Variants in CHN2 observed in about 807,000 individuals in gnomAD.
CHN2 encodes beta-chimaerin.
CHN2 carries 35 observed loss-of-function variants against 56.3 expected under a neutral mutation model. That is an observed-to-expected ratio of 0.62 (90% confidence interval 0.47 to 0.82). The LOEUF (loss-of-function observed/expected upper bound fraction) is 0.82. Among genes scored for constraint, CHN2 ranks in the 40% least tolerant of loss-of-function variants. The pLI, the probability that CHN2 is intolerant of heterozygous loss-of-function variation, is 0.00. For synonymous variants in CHN2, 210 were observed against 212.8 expected (o/e 0.99, Z 0.12); for missense variants, 491 against 580.5 (o/e 0.85, Z 1.58).
chr7:29,286,861 G>A (rs565546663), intron 1 of CHN2, among the ~76,000 whole-genome samples: 1 of 152,028 alleles, frequency 6.6e-6, no homozygotes, highest in Non-Finnish European at 1.5e-5. Flanking sequence ...TTATATAAAC[G>A]TGAAAGTTGC....
intron 6 of CHN2, 55 bp from the exon 7 acceptor site, chr7:29,480,224 G>A (rs777546165): frequency 1.2e-6 from 2 of 1,614,112 alleles, no homozygotes; most frequent in Admixed American, 1.7e-5. Context: ...GGGTGAAGGT[G>A]GGTGTCAAAG....
In CHN2 at chr7:29,305,457, GT is replaced by G. The variant is rs957618879; in HGVS notation, c.50-49157del. On this transcript the variant is annotated intron_variant, in intron 1 of 12. Coordinates refer to ENST00000222792, the MANE Select transcript of CHN2 (RefSeq NM_004067.4). ...ATAGTCTCTTCTATGATAAAGATCA[GT>G]TTTTTTTTTTAGTTTTGATACTTAT... Among the ~76,000 whole-genome samples the G allele has an allele frequency of 9.2e-4, 133 of 144,230 alleles. No individual in the cohort carries two copies. The Middle Eastern group carries it at 0.014, about 15-fold the overall frequency. 94.6% of individuals were successfully genotyped at this position (144,230 alleles called of 152,430 possible).
chr7:29,495,216 G>C (rs113610119), intron 7 of CHN2, among the ~76,000 whole-genome samples: 1 of 152,046 alleles, frequency 6.6e-6, no homozygotes, highest in Non-Finnish European at 1.5e-5. Context: ...TTTAATACAG[G>C]AGGACCTATG....
chr7:29,399,621 C>T (rs917724999), intron 5 of CHN2, among the ~76,000 whole-genome samples: 3 of 152,124 alleles, frequency 2.0e-5, no homozygotes, highest in African/African-American at 7.2e-5. Context: ...GTGAACTCTT[C>T]GGAATTGGAA....
At position 29,371,957 on chromosome 7, in the gene CHN2, C is replaced by A. The variant is rs144097246; in HGVS notation, c.144+3970C>A. The stretch of plus-strand genomic sequence containing the variant: ...CTCCCACCTGATCTCCCTGCTTCCA[C>A]TCCTTGCAGCTTCCCTGCAGCTCAC... On this transcript the variant is annotated intron_variant, in intron 3 of 12. Transcript: ENST00000222792. Among the ~76,000 whole-genome samples, 73 of 152,256 alleles carry A rather than the reference C, an allele frequency of 4.8e-4. 2 individuals carry two copies. In the East Asian group the frequency reaches 0.013, roughly 28 times the overall value.
chr7:29,317,825 C>T (rs1489840912), intron 1 of CHN2, among the ~76,000 whole-genome samples: 1 of 152,086 alleles, frequency 6.6e-6, no homozygotes, highest in Non-Finnish European at 1.5e-5. Context: ...CCTGTCTCTA[C>T]AAAACATACA....
At chr7:29,299,832 C>A (rs1033088349) in intron 1 of CHN2, among the ~76,000 whole-genome samples, 11 of 152,158 alleles carry the variant, frequency 7.2e-5, no homozygotes, top group African/African-American at 2.7e-4. Context: ...AAGTAGACAA[C>A]TGTCCATGAG....
upstream of CHN2, chr7:29,194,699 C>G (rs1004618480): frequency 1.0e-5 from 4 of 401,662 alleles, no homozygotes; most frequent in Admixed American, 1.9e-4. Flanking sequence ...CCCCCTGACA[C>G]CCATAGAAAA....
chr7:29,251,683 G>A (rs1788533326), intron 1 of CHN2, among the ~76,000 whole-genome samples: 1 of 152,254 alleles, frequency 6.6e-6, no homozygotes, highest in African/African-American at 2.4e-5. Flanking sequence ...TTGATAAACA[G>A]AGATTTCACT....
intron 6 of CHN2, among the ~76,000 whole-genome samples, chr7:29,417,537 G>C (rs1201347085): frequency 6.6e-6 from 1 of 151,952 alleles, no homozygotes. Context: ...GGATTTCACC[G>C]TGTTAGCCAA....
chr7:29,391,114 G>T (rs1290673410), intron 3 of CHN2, among the ~76,000 whole-genome samples: 1 of 151,904 alleles, frequency 6.6e-6, no homozygotes, highest in East Asian at 1.9e-4. Context: ...TTTTCTTTAC[G>T]AGCTTCAGAG....
chr7:29,250,954 C>T lies in CHN2; in HGVS notation c.49+55964C>T, dbSNP rs368280935. Among the ~76,000 whole-genome samples the T allele has an allele frequency of 1.5e-4, 23 of 152,284 alleles. No homozygotes were observed. In the South Asian group the frequency reaches 3.5e-3, roughly 23 times the overall value. ...CGAACTCCTGACTTCAGGTGATCCA[C>T]CCGCCTCAGCCTCCCAAAGTGGTGG... On this transcript the variant is annotated intron_variant, in intron 1 of 12. Transcript: ENST00000222792.
intron 1 of CHN2, among the ~76,000 whole-genome samples, chr7:29,210,900 G>C (rs1784867828): frequency 6.6e-6 from 1 of 151,920 alleles, no homozygotes; most frequent in Non-Finnish European, 1.5e-5. Context: ...CAGAAACAAG[G>C]CCAGTAGAGT....
intron 2 of CHN2, among the ~76,000 whole-genome samples, chr7:29,364,277 G>T (rs1269844268): frequency 6.6e-6 from 1 of 152,154 alleles, no homozygotes; most frequent in Non-Finnish European, 1.5e-5. Context: ...TGCTGACTGT[G>T]GTATCTTGCA....
chr7:29,365,151 G>C (rs1799050108), intron 2 of CHN2, among the ~76,000 whole-genome samples: 1 of 152,200 alleles, frequency 6.6e-6, no homozygotes, highest in African/African-American at 2.4e-5. Flanking sequence ...CCTTCTAACA[G>C]AGATTGGTAA....
chr7:29,279,581 C>T (rs1308774403), intron 1 of CHN2, among the ~76,000 whole-genome samples: 1 of 152,142 alleles, frequency 6.6e-6, no homozygotes, highest in African/African-American at 2.4e-5. Context: ...ACAGATGGCT[C>T]TTGTGGGTAT....
intron 6 of CHN2, among the ~76,000 whole-genome samples, chr7:29,441,762 T>C (rs1407158344): frequency 6.6e-6 from 1 of 152,188 alleles, no homozygotes; most frequent in Non-Finnish European, 1.5e-5. Flanking sequence ...GCTATAATTT[T>C]TTTTTAAAAA....
chr7:29,469,355 A>T (rs1785836734), intron 6 of CHN2, among the ~76,000 whole-genome samples: 1 of 152,192 alleles, frequency 6.6e-6, no homozygotes, highest in African/African-American at 2.4e-5. Context: ...AGGCAGAGCA[A>T]TGCTTTTGTA....
At chr7:29,320,481 G>C (rs1368916527) in intron 1 of CHN2, among the ~76,000 whole-genome samples, 1 of 152,098 alleles carries the variant, frequency 6.6e-6, no homozygotes, top group African/African-American at 2.4e-5. Flanking sequence ...CACATTTTCT[G>C]CAACTTTATT....
Sources: gnomAD v4.1 joint callset for allele counts (sites outside exome capture counted in the v4.1 genomes callset) on GRCh38, gnomAD v4.1.1 for gene constraint, MANE v1.5 for transcripts, NCBI Gene and HGNC (gene_info 2026-07-23, HGNC 2026-07-21) for gene names.